SYT13: variants seen among roughly 807,000 people sequenced by gnomAD.
SYT13 encodes synaptotagmin-13.
In SYT13, 21 loss-of-function variants were observed where a neutral mutation model predicts 38.6. The ratio of observed to expected loss-of-function variants is 0.54; its 90% confidence interval spans 0.39 to 0.78. The LOEUF is 0.78. Among genes scored for constraint, SYT13 ranks in the 30% least tolerant of loss-of-function variants. SYT13 has a pLI of 0.00. For missense variants in SYT13, 495 were observed against 548.7 expected, an observed-to-expected ratio of 0.90 and a Z score of 0.98; for synonymous variants, 241 against 237.6, an observed-to-expected ratio of 1.01 and a Z score of -0.13.
chr11:45,258,911 ACTCTGTATTAC>A (rs1253999409), intron 1 of SYT13, among the ~76,000 whole-genome samples: 1 of 152,044 alleles, frequency 6.6e-6, no homozygotes, highest in African/African-American at 2.4e-5. Context: ...ATCTCATATA[ACTCTGTATTAC>A]CTTCATCCTA....
In SYT13 at chr11:45,240,769, CA is replaced by C. The variant is rs1403957245; in HGVS notation, c.*3282del. 6.6e-5 allele frequency: 10 copies of C among 152,322 alleles called. No individual in the cohort carries two copies. The highest frequency in any genetic ancestry group is 2.4e-4 in the African/African-American group (10 of 41,578). 9.4% of individuals were successfully genotyped at this position (152,322 alleles called of 1,614,324 possible). ...CCGTAGAAATCTCTGAAGAAAGAACCAGATCACCTTTTTGAGCAACAGTGCA... is the reference window on the plus strand; with the variant it reads ...CCGTAGAAATCTCTGAAGAAAGAACCGATCACCTTTTTGAGCAACAGTGCA... On this transcript the variant is annotated 3_prime_UTR_variant, in exon 6 of 6. Transcript: ENST00000020926.
chr11:45,285,851 C>G, intron 1 of SYT13, 174 bp downstream of exon 1: 1 of 757,580 alleles, frequency 1.3e-6, no homozygotes. Flanking sequence ...CTAGCCTCCC[C>G]CATCCCCCTA....
Position 45,243,345 on chromosome 11 carries a change from C to T in SYT13, c.*707G>A, listed in dbSNP as rs1296656345. ...GATTTCACCCTGATGGTTGAGGTGT[C>T]CAGCATTGGAACTGGCTGCACCATG... On this transcript the variant is annotated 3_prime_UTR_variant, in exon 6 of 6. Coordinates refer to ENST00000020926, the MANE Select transcript of SYT13 (RefSeq NM_020826.3). 1.3e-5 allele frequency: 2 copies of T among 152,184 alleles called. No individual in the cohort carries two copies. The highest frequency in any genetic ancestry group is 4.8e-5 in the African/African-American group (2 of 41,432). The allele number at this position is 152,184 out of a possible 1,614,324, so 9.4% of individuals were successfully genotyped here.
intron 1 of SYT13, among the ~76,000 whole-genome samples, chr11:45,283,797 A>G (rs1855103075): frequency 6.6e-6 from 1 of 152,112 alleles, no homozygotes; most frequent in Non-Finnish European, 1.5e-5. Context: ...TCCCCATTGG[A>G]TGACCCCTGA....
rs1274103175 is a variant in SYT13 at position 45,255,652 on chromosome 11, C to T, written c.409+14G>A. 1.2e-6 allele frequency: 2 copies of T among 1,607,152 alleles called. No homozygotes were observed. Among genetic ancestry groups the T allele is most frequent in the Non-Finnish European group, 1.7e-6 (2 of 1,174,544 alleles). On this transcript the variant is annotated intron_variant, in intron 2 of 5. Coordinates refer to ENST00000020926, the MANE Select transcript of SYT13 (RefSeq NM_020826.3). ...GTGCTGCCCATGGAAGTGCAGGGGG[C>T]AGGAGACCCCTACCATTCTGAGGGA...
intron 1 of SYT13, among the ~76,000 whole-genome samples, chr11:45,282,623 C>T (rs1855087313): frequency 6.6e-6 from 1 of 152,148 alleles, no homozygotes. Flanking sequence ...CTAATGTGAA[C>T]CATCTGCAAC....
At chr11:45,256,033 C>A in intron 1 of SYT13, 142 bp from the exon 2 acceptor site, 3 of 807,136 alleles carry the variant, frequency 3.7e-6, no homozygotes, top group Non-Finnish European at 5.9e-6. Context: ...AGAGCACAAC[C>A]TAGGAAGGTC....
chr11:45,263,559 A>C (rs1854845712), intron 1 of SYT13, among the ~76,000 whole-genome samples: 2 of 152,332 alleles, frequency 1.3e-5, no homozygotes, highest in South Asian at 2.1e-4. Flanking sequence ...AGAAGCATCC[A>C]GTTGAGCATC....
chr11:45,271,218 T>C (rs1280594735), intron 1 of SYT13, among the ~76,000 whole-genome samples: 1 of 152,166 alleles, frequency 6.6e-6, no homozygotes, highest in Non-Finnish European at 1.5e-5. Flanking sequence ...TAGGAATTGA[T>C]ATGGAAGATG....
At chr11:45,261,902 C>G (rs1011450092) in intron 1 of SYT13, among the ~76,000 whole-genome samples, 1 of 140,266 alleles carries the variant, frequency 7.1e-6, no homozygotes, top group Admixed American at 7.4e-5. Flanking sequence ...GGTGACAGAG[C>G]AAGACCTTGT....
At chr11:45,269,253 G>A (rs4755936) in intron 1 of SYT13, among the ~76,000 whole-genome samples, 14,194 of 152,246 alleles carry the variant, frequency 0.093, 965 homozygotes, top group East Asian at 0.24. Context: ...AACCCAATGA[G>A]AGGAGGAGGG....
intron 3 of SYT13, among the ~76,000 whole-genome samples, chr11:45,253,454 CAT>C (rs1165230109): frequency 2.0e-5 from 3 of 152,158 alleles, no homozygotes; most frequent in African/African-American, 7.2e-5. Flanking sequence ...GAAGACCAAA[CAT>C]AATAAAGTAT....
At chr11:45,259,615 G>A (rs1455375962) in intron 1 of SYT13, among the ~76,000 whole-genome samples, 2 of 151,978 alleles carry the variant, frequency 1.3e-5, no homozygotes, top group Non-Finnish European at 2.9e-5. Flanking sequence ...CCATCTACCC[G>A]CCCTACACAA....
intron 4 of SYT13, among the ~76,000 whole-genome samples, chr11:45,248,491 G>T (rs980388510): frequency 6.6e-6 from 1 of 152,214 alleles, no homozygotes; most frequent in Non-Finnish European, 1.5e-5. Context: ...GGCAGGAAGT[G>T]GCAAAACCAA....
Position 45,255,829 on chromosome 11 carries a change from G to T in SYT13, c.246C>A (p.Ile82=), listed in dbSNP as rs61738989. Residue 82 remains isoleucine (I), a synonymous_variant, in exon 2 of 6, where the codon ATC becomes ATA. Coordinates refer to ENST00000020926, the MANE Select transcript of SYT13 (RefSeq NM_020826.3). ...CCGTCACAGCTGGCCTGGGTCCATA[G>T]ATGTCTGGGAACTTGAGGAGGGCAC... ...QPRALLKFPD[I]YGPRPAVTAP... 3.4e-4 allele frequency: 542 copies of T among 1,614,208 alleles called. 4 individuals carry two copies. The African/African-American group carries it at 6.0e-3, about 18-fold the overall frequency.
In SYT13 at chr11:45,242,042, A is replaced by G. The variant is rs1854558042; in HGVS notation, c.*2010T>C. On this transcript the variant is annotated 3_prime_UTR_variant, in exon 6 of 6. Transcript: ENST00000020926. ...AAAGAAAAAATAATGACCACAGGTT[A>G]TAAGGCTCCTGCTCAGATTCTCAGG... 6.6e-6 allele frequency: 1 copy of G among 152,252 alleles called. No homozygotes were observed. The highest frequency in any genetic ancestry group is 6.5e-5 in the Admixed American group (1 of 15,282). 9.4% of individuals were successfully genotyped at this position (152,252 alleles called of 1,614,324 possible).
At chr11:45,257,972 C>A (rs2135894830) in intron 1 of SYT13, among the ~76,000 whole-genome samples, 1 of 152,360 alleles carries the variant, frequency 6.6e-6, no homozygotes, top group African/African-American at 2.4e-5. Flanking sequence ...ACCCTCAGTT[C>A]TTCTCTCAGA....
At chr11:45,278,521 C>T (rs1161683684) in intron 1 of SYT13, among the ~76,000 whole-genome samples, 2 of 152,068 alleles carry the variant, frequency 1.3e-5, no homozygotes, top group South Asian at 2.1e-4. Context: ...GTGTTTCCTT[C>T]GTCATGATCC....
chr11:45,276,721 A>AC (rs57567209), intron 1 of SYT13, among the ~76,000 whole-genome samples: 2 of 150,402 alleles, frequency 1.3e-5, no homozygotes, highest in African/African-American at 2.5e-5. Context: ...TTAAAAAAAA[A>AC]AAATAAATAA....
Sources: gnomAD v4.1 joint callset for allele counts (sites outside exome capture counted in the v4.1 genomes callset) on GRCh38, gnomAD v4.1.1 for gene constraint, MANE v1.5 for transcripts, NCBI Gene and HGNC (gene_info 2026-07-23, HGNC 2026-07-21) for gene names.